COMMD10: variants seen among roughly 807,000 people sequenced by gnomAD.
The protein encoded by COMMD10 is COMM domain containing 10.
In COMMD10, 33 loss-of-function variants were observed where a neutral mutation model predicts 28.9. The observed-to-expected ratio is 1.14, with a 90% CI of 0.87 to 1.53. The LOEUF (loss-of-function observed/expected upper bound fraction) is 1.53, where lower values mean the gene tolerates loss of function less well. Ranked by LOEUF, COMMD10 falls within the 40% of genes most tolerant of loss-of-function variation. COMMD10 has a pLI of 0.00. For synonymous variants in COMMD10, 110 were observed against 81.7 expected, an observed-to-expected ratio of 1.35 and a Z score of -1.87; for missense variants, 310 against 233.4, an observed-to-expected ratio of 1.33 and a Z score of -2.14.
chr5:116,140,891 T>C (rs1303292017), intron 5 of COMMD10, among the ~76,000 whole-genome samples: 1 of 151,876 alleles, frequency 6.6e-6, no homozygotes, highest in Non-Finnish European at 1.5e-5. Context: ...GGCTGTGTTT[T>C]TTGTTGATGG....
At chr5:116,165,168 A>G (rs559048183) in intron 5 of COMMD10, among the ~76,000 whole-genome samples, 19 of 152,360 alleles carry the variant, frequency 1.2e-4, no homozygotes, top group African/African-American at 4.6e-4. Context: ...AAGGAATTAA[A>G]ATGAGAAAAG....
chr5:116,215,665 C>T (rs963294167), intron 5 of COMMD10, among the ~76,000 whole-genome samples: 39 of 138,290 alleles, frequency 2.8e-4, no homozygotes, highest in Admixed American at 6.1e-4. Context: ...CCAGCCTGGG[C>T]GACAGAGTGG....
intron 5 of COMMD10, among the ~76,000 whole-genome samples, chr5:116,222,827 G>C (rs1426871570): frequency 6.6e-6 from 1 of 152,042 alleles, no homozygotes; most frequent in African/African-American, 2.4e-5. Flanking sequence ...AAGTAGCTGG[G>C]ACTACAGTTA....
chr5:116,113,200 C>G (rs1245081269), intron 4 of COMMD10, among the ~76,000 whole-genome samples: 2 of 152,056 alleles, frequency 1.3e-5, no homozygotes, highest in East Asian at 3.9e-4. Context: ...GTTTGATGGA[C>G]TTTCCTTTAT....
At chr5:116,117,468 T>C (rs971816752) in intron 4 of COMMD10, among the ~76,000 whole-genome samples, 11 of 152,248 alleles carry the variant, frequency 7.2e-5, no homozygotes, top group East Asian at 1.9e-4. Context: ...TCTTTTTTGT[T>C]TGTTTGTTTT....
intron 4 of COMMD10, among the ~76,000 whole-genome samples, chr5:116,105,329 G>A (rs1182552364): frequency 6.6e-6 from 1 of 152,160 alleles, no homozygotes; most frequent in African/African-American, 2.4e-5. Context: ...TGGTGGATAA[G>A]CTATTTGATG....
chr5:116,193,896 A>G (rs900378917), intron 5 of COMMD10, among the ~76,000 whole-genome samples: 1 of 152,120 alleles, frequency 6.6e-6, no homozygotes, highest in Non-Finnish European at 1.5e-5. Flanking sequence ...TTTTTCCAAG[A>G]TAGACCATAT....
chr5:116,156,302 A>G (rs900147457), intron 5 of COMMD10, among the ~76,000 whole-genome samples: 1 of 152,152 alleles, frequency 6.6e-6, no homozygotes. Context: ...GAGGATGTCA[A>G]GCAGATTACT....
chr5:116,168,949 A>C (rs1328052116), intron 5 of COMMD10, among the ~76,000 whole-genome samples: 4 of 152,194 alleles, frequency 2.6e-5, no homozygotes, highest in African/African-American at 9.7e-5. Context: ...CAAATTCAAA[A>C]GCTAGCAGAA....
chr5:116,195,618 T>C (rs965059804), intron 5 of COMMD10, among the ~76,000 whole-genome samples: 1 of 151,874 alleles, frequency 6.6e-6, no homozygotes, highest in Non-Finnish European at 1.5e-5. Context: ...GTCAAAGACC[T>C]CTACAAGAAA....
chr5:116,089,382 A>G (rs1313362713), intron 2 of COMMD10, among the ~76,000 whole-genome samples: 2 of 152,340 alleles, frequency 1.3e-5, no homozygotes, highest in African/African-American at 2.4e-5. Flanking sequence ...AGGAAAGAGT[A>G]TGGAACATTT....
chr5:116,142,573 CAGA>C (rs1179561512), intron 5 of COMMD10, among the ~76,000 whole-genome samples: 6 of 151,750 alleles, frequency 4.0e-5, no homozygotes, highest in African/African-American at 1.4e-4. Context: ...ACGTTGCATT[CAGA>C]AGATTTCTTA....
intron 5 of COMMD10, among the ~76,000 whole-genome samples, chr5:116,235,075 C>T (rs1381085931): frequency 3.9e-5 from 6 of 152,132 alleles, no homozygotes; most frequent in Non-Finnish European, 7.4e-5. Flanking sequence ...AATATAATTT[C>T]AGATCTGTGC....
rs140611992 is a variant in COMMD10, at chr5:116,284,449, C to A, written c.511-7068C>A. On this transcript the variant is annotated intron_variant, in intron 5 of 6. Transcript: ENST00000274458. ...GATGTGGATGTGTTTTCATAACTCA[C>A]AGCTGTCGTTTATGCCATAAGGGTA... Among the ~76,000 whole-genome samples the A allele has an allele frequency of 7.9e-5, 12 of 151,916 alleles. No individual in the cohort carries two copies. The East Asian group carries it at 1.9e-3, about 24-fold the overall frequency.
At chr5:116,188,722 C>T (rs1020931675) in intron 5 of COMMD10, among the ~76,000 whole-genome samples, 10 of 151,428 alleles carry the variant, frequency 6.6e-5, no homozygotes, top group Admixed American at 2.6e-4. Context: ...TTCCACCTCC[C>T]GGCTCAAGCA....
chr5:116,131,868 A>G (rs1751874253), intron 4 of COMMD10, among the ~76,000 whole-genome samples: 1 of 152,048 alleles, frequency 6.6e-6, no homozygotes, highest in South Asian at 2.1e-4. Flanking sequence ...GAGGCATGTG[A>G]AACAGCATAG....
intron 5 of COMMD10, among the ~76,000 whole-genome samples, chr5:116,217,194 C>CT (rs1234970953): frequency 0.017 from 2,447 of 144,714 alleles, 71 homozygotes; most frequent in African/African-American, 0.057. Flanking sequence ...ATCAACCACT[C>CT]TTTTTTTTTT....
intron 5 of COMMD10, among the ~76,000 whole-genome samples, chr5:116,261,356 C>T (rs773537713): frequency 2.6e-5 from 4 of 151,598 alleles, no homozygotes; most frequent in Non-Finnish European, 4.4e-5. Context: ...TCTTGCCTAG[C>T]GTAATGACTG....
Position 116,282,960 on chromosome 5 carries a change from G to GGAGCA in COMMD10, c.511-8553_511-8549dup, listed in dbSNP as rs553038904. 6.8e-4 allele frequency among the ~76,000 whole-genome samples: 104 copies of GGAGCA among 152,044 alleles called. 1 individual carries two copies. Among genetic ancestry groups the GGAGCA allele is most frequent in the Non-Finnish European group, 1.1e-3 (73 of 68,016 alleles). ...GACGAGGAATAAACATGTACACATA[G>GGAGCA]GAGCAGAGACTTCTGGTGGGTTTTG... is the stretch of plus-strand genomic sequence containing the variant. On this transcript the variant is annotated intron_variant, in intron 5 of 6. Coordinates refer to ENST00000274458, the MANE Select transcript of COMMD10 (RefSeq NM_016144.4).
Sources: gnomAD v4.1 joint callset for allele counts (sites outside exome capture counted in the v4.1 genomes callset) on GRCh38, gnomAD v4.1.1 for gene constraint, MANE v1.5 for transcripts, NCBI Gene and HGNC (gene_info 2026-07-23, HGNC 2026-07-21) for gene names.